CFAP54: variants seen among roughly 807,000 people sequenced by gnomAD.
The protein encoded by CFAP54 is cilia and flagella associated protein 54, also known as cilia- and flagella-associated protein 54.
In CFAP54, 290 loss-of-function variants were observed where a neutral mutation model predicts 370.4. The observed-to-expected ratio is 0.78, with a 90% confidence interval of 0.71 to 0.86. The LOEUF is 0.86. Ranked by LOEUF, CFAP54 falls within the 40% of genes least tolerant of loss-of-function variation. CFAP54 has a pLI of 0.00. For synonymous variants in CFAP54, 1,206 were observed against 1,236.5 expected (o/e 0.98, Z 0.52); for missense variants, 3,399 against 3,528.7 (o/e 0.96, Z 0.93).
chr12:96,732,472 A>G (rs1288361909), intron 50 of CFAP54, among the ~76,000 whole-genome samples: 1 of 152,134 alleles, frequency 6.6e-6, no homozygotes, highest in Non-Finnish European at 1.5e-5. Context: ...CATTAAAGAG[A>G]TTCATGGCAT....
intron 19 of CFAP54, among the ~76,000 whole-genome samples, chr12:96,575,755 C>G (rs1189847271): frequency 6.6e-6 from 1 of 152,054 alleles, no homozygotes; most frequent in Non-Finnish European, 1.5e-5. Flanking sequence ...TAATATTTGC[C>G]TATGGTGTGA....
chr12:96,715,575 CA>C (rs1565951670), intron 48 of CFAP54, among the ~76,000 whole-genome samples: 1 of 152,072 alleles, frequency 6.6e-6, no homozygotes, highest in Non-Finnish European at 1.5e-5. Flanking sequence ...CCTGAAAGAA[CA>C]ATCTGGAAAA....
At chr12:96,503,675 G>C (rs983285617) in intron 2 of CFAP54, among the ~76,000 whole-genome samples, 1 of 152,084 alleles carries the variant, frequency 6.6e-6, no homozygotes, top group Admixed American at 6.6e-5. Context: ...TCTCACATAG[G>C]CTCATTGTGA....
chr12:96,617,374 G>T (rs1375741083), intron 26 of CFAP54, among the ~76,000 whole-genome samples: 1 of 152,230 alleles, frequency 6.6e-6, no homozygotes, highest in South Asian at 2.1e-4. Flanking sequence ...GGTGCATAGA[G>T]TGAGAAGGGG....
At chr12:96,621,872 T>TTTG (rs1231980909) in intron 27 of CFAP54, among the ~76,000 whole-genome samples, 151 bp downstream of exon 27, 1 of 101,658 alleles carries the variant, frequency 9.8e-6, no homozygotes, top group Non-Finnish European at 2.0e-5. Flanking sequence ...AGCTTTTGGG[T>TTTG]TTGTTTTTTT....
intron 20 of CFAP54, among the ~76,000 whole-genome samples, chr12:96,576,999 G>C (rs1592859695): frequency 2.0e-5 from 3 of 152,120 alleles, no homozygotes; most frequent in African/African-American, 7.2e-5. Context: ...TATATTGTTA[G>C]GAGAAACAGT....
intron 66 of CFAP54, among the ~76,000 whole-genome samples, chr12:96,860,496 G>T (rs1339196088): frequency 1.3e-5 from 2 of 152,178 alleles, no homozygotes; most frequent in African/African-American, 4.8e-5. Flanking sequence ...GAGAGAGGGA[G>T]ATTTGCCAAC....
intron 26 of CFAP54, among the ~76,000 whole-genome samples, chr12:96,616,165 A>T (rs182744716): frequency 6.6e-6 from 1 of 152,242 alleles, no homozygotes; most frequent in Non-Finnish European, 1.5e-5. Context: ...CATATATACC[A>T]TGGAATACTA....
chr12:96,507,518 A>AACAC (rs979958156), intron 4 of CFAP54, among the ~76,000 whole-genome samples: 7 of 116,180 alleles, frequency 6.0e-5, no homozygotes, highest in South Asian at 3.0e-4. Flanking sequence ...ACTGCTGAGG[A>AACAC]ACACACACAC....
intron 19 of CFAP54, chr12:96,572,976 A>T: frequency 3.0e-6 from 3 of 985,428 alleles, no homozygotes; most frequent in Non-Finnish European, 3.6e-6. Context: ...TGGTTCACTG[A>T]ATCAGGAACT....
chr12:96,839,860 A>G (rs571797046), intron 66 of CFAP54, among the ~76,000 whole-genome samples: 5 of 152,220 alleles, frequency 3.3e-5, no homozygotes, highest in South Asian at 4.1e-4. Context: ...GGTCTGGAAC[A>G]TAACTTGTGA....
At chr12:96,606,024 C>T (rs930463765) in intron 26 of CFAP54, among the ~76,000 whole-genome samples, 1 of 148,772 alleles carries the variant, frequency 6.7e-6, no homozygotes, top group African/African-American at 2.5e-5. Context: ...AAACCAACAT[C>T]ATCTCACAGA....
intron 47 of CFAP54, among the ~76,000 whole-genome samples, chr12:96,705,493 G>A (rs1307093749): frequency 6.6e-6 from 1 of 151,918 alleles, no homozygotes; most frequent in Non-Finnish European, 1.5e-5. Flanking sequence ...GTATTAGGAA[G>A]ATAGAAATAC....
In CFAP54 at chr12:96,521,896, A is replaced by C. The variant is rs1955325095; in HGVS notation, c.982A>C (p.Arg328=). The C allele has an allele frequency of 6.5e-7, 1 of 1,533,960 alleles. No individual in the cohort carries two copies. The highest frequency in any genetic ancestry group is 2.0e-5 in the Admixed American group (1 of 50,952). Reference sequence around the variant, plus strand: ...TGCTTTGGCTAAAATTGATGAGTTAAGGCAACTGGAATTAATGAGTTCCTC... The same window carrying C: ...TGCTTTGGCTAAAATTGATGAGTTACGGCAACTGGAATTAATGAGTTCCTC... ...RRALAKIDEL[R]QLELMSSSKS... Residue 328 remains arginine, a synonymous_variant, in exon 7 of 68, where the codon AGG becomes CGG. Transcript: ENST00000524981.
At chr12:96,541,903 C>G (rs1328925618) in intron 14 of CFAP54, among the ~76,000 whole-genome samples, 5 of 152,014 alleles carry the variant, frequency 3.3e-5, no homozygotes, top group Admixed American at 2.0e-4. Flanking sequence ...ACCCCCTCCC[C>G]ACCAGCCCCC....
chr12:96,806,965 C>T (rs578126798), intron 63 of CFAP54, among the ~76,000 whole-genome samples: 95 of 152,252 alleles, frequency 6.2e-4, no homozygotes, highest in Non-Finnish European at 1.1e-3. Context: ...TCAGAATATG[C>T]ATTTTAATAG....
rs902981110 is a variant in CFAP54, at chr12:96,681,594, C to G, written c.5716+1842C>G. 4.0e-5 allele frequency among the ~76,000 whole-genome samples: 6 copies of G among 151,532 alleles called. No individual in the cohort carries two copies. The East Asian group carries it at 9.7e-4, about 24-fold the overall frequency. ...TAGTGCTTTTTTTTTTGGATGGAGT[C>G]TTGCTGTCTTGCCCAGGCTGGAGTG... On this transcript the variant is annotated intron_variant, in intron 40 of 67. Coordinates refer to ENST00000524981, the MANE Select transcript of CFAP54 (RefSeq NM_001306084.2).
chr12:96,801,092 T>A (rs1958815669), intron 63 of CFAP54, among the ~76,000 whole-genome samples: 1 of 152,192 alleles, frequency 6.6e-6, no homozygotes, highest in East Asian at 1.9e-4. Context: ...ATCCACCCAC[T>A]TGGTCCCTTT....
In CFAP54 at chr12:96,708,772, C is replaced by A. The variant is rs932205531; in HGVS notation, c.6693C>A (p.Asn2231Lys). Reference protein sequence around the residue: ...PENKFKTVITNKSKPNLPNLE... With the variant: ...PENKFKTVITKKSKPNLPNLE... ...ATAAATTTAAGACAGTAATTACCAA[C>A]AAGAGCAAACCAAACCTACCAAACT... The change falls in exon 48 of 68, where the codon AAC becomes AAA. Residue 2231 changes from asparagine to lysine, a missense_variant. By Grantham distance (94) the Asn-to-Lys change is moderately conservative. This residue lies in a region of CFAP54 where 2,796 missense variants were observed against 2,869.7 expected (regional missense o/e 0.97). Transcript: ENST00000524981. 6.2e-7 allele frequency: 1 copy of A among 1,605,446 alleles called. No individual in the cohort carries two copies.
Sources: allele counts gnomAD v4.1 joint callset (sites outside exome capture counted in the v4.1 genomes callset), GRCh38; gene constraint gnomAD v4.1.1; regional missense constraint gnomAD v4.1.1; transcripts MANE v1.5; gene names NCBI Gene and HGNC (gene_info 2026-07-23, HGNC 2026-07-21).